The following PEBP4 variants were observed in gnomAD, a reference collection of about 807,000 sequenced individuals.
The protein encoded by PEBP4 is phosphatidylethanolamine-binding protein 4.
PEBP4 carries 22 observed loss-of-function variants against 23.9 expected under a neutral mutation model. That is an observed-to-expected ratio of 0.92 (90% CI 0.66 to 1.31). The LOEUF (loss-of-function observed/expected upper bound fraction) is 1.31, where lower values mean the gene tolerates loss of function less well. Ranked by LOEUF, PEBP4 falls within the 40% of genes most tolerant of loss-of-function variation. The probability of loss-of-function intolerance (pLI) is 0.00; values close to 1 mark genes in which losing one functional copy is unlikely to be tolerated. For synonymous variants in PEBP4, 112 were observed against 99.3 expected, an observed-to-expected ratio of 1.13 and a Z score of -0.76; for missense variants, 324 against 281.7, an observed-to-expected ratio of 1.15 and a Z score of -1.07.
At chr8:22,824,239 T>C (rs1208662212) in intron 3 of PEBP4, among the ~76,000 whole-genome samples, 1 of 152,224 alleles carries the variant, frequency 6.6e-6, no homozygotes. Flanking sequence ...GCATTGCTTT[T>C]ATACTTAGAC....
chr8:22,719,868 G>A (rs976635393), intron 6 of PEBP4, among the ~76,000 whole-genome samples: 1 of 152,230 alleles, frequency 6.6e-6, no homozygotes, highest in African/African-American at 2.4e-5. Context: ...CAGGGAGGAC[G>A]TCGATCAATG....
intron 3 of PEBP4, among the ~76,000 whole-genome samples, chr8:22,898,990 G>T (rs566875048): frequency 1.3e-5 from 2 of 152,146 alleles, no homozygotes; most frequent in African/African-American, 4.8e-5. Context: ...AGGAGGTGTG[G>T]CTTGGCTAAC....
chr8:22,836,887 GAAA>G, intron 3 of PEBP4, among the ~76,000 whole-genome samples: 1 of 143,630 alleles, frequency 7.0e-6, no homozygotes, highest in African/African-American at 2.5e-5. Flanking sequence ...GGAAGAGAAA[GAAA>G]AAAAAAAAGA....
chr8:22,717,767 G>A (rs930360822), intron 6 of PEBP4, among the ~76,000 whole-genome samples: 5 of 152,108 alleles, frequency 3.3e-5, no homozygotes, highest in Non-Finnish European at 5.9e-5. Flanking sequence ...CTTAGGTAAG[G>A]GCACCACTGC....
intron 3 of PEBP4, among the ~76,000 whole-genome samples, chr8:22,900,403 C>T (rs559711247): frequency 6.6e-6 from 1 of 152,256 alleles, no homozygotes; most frequent in East Asian, 1.9e-4. Context: ...AATCCCAGCA[C>T]TTTGGGAGGC....
chr8:22,865,368 TGGCG>T lies in PEBP4; in HGVS notation c.259-47637_259-47634del, dbSNP rs1279064699. On this transcript the variant is annotated intron_variant, in intron 3 of 6. Transcript: ENST00000256404. This position sits in a 1 kb window ranked among gnomAD's most constrained non-coding sequence, Gnocchi z 6.9. The stretch of plus-strand genomic sequence containing the variant: ...GCTGCCCACCCACGGGCGGTGACGG[TGGCG>T]GTGGCGGTGGCGGCGGCGGGACCCC... 0.01 allele frequency among the ~76,000 whole-genome samples: 14 copies of T among 1,396 alleles called. No individual in the cohort carries two copies. The highest frequency in any genetic ancestry group is 0.013 in the African/African-American group (13 of 1,018). 0.9% of individuals were successfully genotyped at this position (1,396 alleles called of 152,430 possible).
chr8:22,811,539 G>C (rs1283731455), intron 4 of PEBP4, among the ~76,000 whole-genome samples: 2 of 152,216 alleles, frequency 1.3e-5, no homozygotes, highest in Non-Finnish European at 2.9e-5. Context: ...GTTAAAAATA[G>C]AGGTGGGAAA....
At chr8:22,781,826 T>TC (rs1403445647) in intron 4 of PEBP4, among the ~76,000 whole-genome samples, 2 of 152,118 alleles carry the variant, frequency 1.3e-5, no homozygotes, top group Admixed American at 1.3e-4. Context: ...TGGCAGCCTG[T>TC]CCCCCTTCCT....
chr8:22,873,145 TC>T (rs1808044553), intron 3 of PEBP4, among the ~76,000 whole-genome samples: 1 of 152,216 alleles, frequency 6.6e-6, no homozygotes, highest in Non-Finnish European at 1.5e-5. Context: ...CTGGAGAATC[TC>T]CCGAAGCTGG....
chr8:22,810,667 GGGGTGTGTGT>G (rs1806599994), intron 4 of PEBP4, among the ~76,000 whole-genome samples: 2 of 121,690 alleles, frequency 1.6e-5, no homozygotes, highest in East Asian at 4.8e-4. Flanking sequence ...GTCTCATGGA[GGGGTGTGTGT>G]GTGTGTGTGT....
At chr8:22,847,817 C>T (rs890707932) in intron 3 of PEBP4, among the ~76,000 whole-genome samples, 18 of 152,140 alleles carry the variant, frequency 1.2e-4, no homozygotes, top group African/African-American at 4.1e-4. Context: ...CAACCCCAGC[C>T]CCCAAAATGC....
At position 22,751,630 on chromosome 8, in the gene PEBP4, CTGTGTGTG is replaced by C. The variant is rs66800038; in HGVS notation, c.358-24418_358-24411del. Among the ~76,000 whole-genome samples the C allele has an allele frequency of 2.7e-3, 370 of 137,634 alleles. 2 individuals are homozygous for C. Among genetic ancestry groups the C allele is most frequent in the African/African-American group, 9.0e-3 (311 of 34,710 alleles). The allele number at this position is 137,634 out of a possible 152,430, so 90.3% of individuals were successfully genotyped here. ...TGTGTCTGTGTGTGTGTGTGTGTCTCTGTGTGTGTGTGTGTGTGTGTGTGTGTTGTGCG... is the reference window on the plus strand; with the variant it reads ...TGTGTCTGTGTGTGTGTGTGTGTCTCTGTGTGTGTGTGTGTGTGTTGTGCG... On this transcript the variant is annotated intron_variant, in intron 4 of 6. Coordinates refer to ENST00000256404, the MANE Select transcript of PEBP4 (RefSeq NM_144962.3).
chr8:22,786,733 G>C (rs952938109), intron 4 of PEBP4, among the ~76,000 whole-genome samples: 2 of 152,040 alleles, frequency 1.3e-5, no homozygotes, highest in Non-Finnish European at 2.9e-5. Flanking sequence ...GTTCATCAGA[G>C]CACACTTCAT....
chr8:22,788,029 A>T (rs567301790), intron 4 of PEBP4, among the ~76,000 whole-genome samples: 16 of 152,030 alleles, frequency 1.1e-4, no homozygotes, highest in African/African-American at 3.9e-4. Flanking sequence ...GCAGAGGAAA[A>T]GTGGGTGTGG....
chr8:22,868,056 A>G (rs865880559), intron 3 of PEBP4, among the ~76,000 whole-genome samples: 12 of 152,278 alleles, frequency 7.9e-5, no homozygotes, highest in Middle Eastern at 3.4e-3. Context: ...CTGTTTGATA[A>G]GTGGCTGCCG....
intron 4 of PEBP4, among the ~76,000 whole-genome samples, chr8:22,760,604 T>C (rs148626289): frequency 6.6e-6 from 1 of 152,006 alleles, no homozygotes; most frequent in Non-Finnish European, 1.5e-5. Flanking sequence ...CGTGTGTGTG[T>C]GGTGGGTGCA....
intron 3 of PEBP4, chr8:22,896,027 AC>A (rs1808583459): frequency 1.3e-5 from 2 of 152,228 alleles, no homozygotes; most frequent in South Asian, 2.1e-4. Flanking sequence ...GTGGCATCAG[AC>A]AGTTGCCTGA....
intron 3 of PEBP4, chr8:22,897,693 A>C (rs754138254): frequency 1.8e-4 from 28 of 152,178 alleles, no homozygotes; most frequent in Middle Eastern, 3.4e-3. Flanking sequence ...AATGCTTAAC[A>C]TCTCTCCCTG....
chr8:22,732,272 C>T (rs1025466173), intron 4 of PEBP4, among the ~76,000 whole-genome samples: 1 of 152,062 alleles, frequency 6.6e-6, no homozygotes, highest in African/African-American at 2.4e-5. Flanking sequence ...AGGTGAATTT[C>T]TTAGAAGGAC....
Sources: allele counts gnomAD v4.1 joint callset (sites outside exome capture counted in the v4.1 genomes callset), GRCh38; gene constraint gnomAD v4.1.1; non-coding constraint Gnocchi (gnomAD v3.1); transcripts MANE v1.5; gene names NCBI Gene and HGNC (gene_info 2026-07-23, HGNC 2026-07-21).